The following TENM2 variants were observed in gnomAD, a reference collection of about 807,000 sequenced individuals.
The protein encoded by TENM2 is teneurin transmembrane protein 2, also known as teneurin-2.
A neutral mutation model predicts 245.2 loss-of-function variants in TENM2; 52 were observed. That is an observed-to-expected ratio of 0.21 (90% CI 0.17 to 0.27). The LOEUF is 0.27. Ranked by LOEUF, TENM2 falls within the 10% of genes least tolerant of loss-of-function variation. The pLI, the probability that TENM2 is intolerant of heterozygous loss-of-function variation, is 1.00. For synonymous variants in TENM2, 1,363 were observed against 1,438.9 expected (o/e 0.95, Z 1.19); for missense variants, 3,046 against 3,666.8 (o/e 0.83, Z 4.37).
At chr5:167,221,802 C>T in the TENM2 span, among the ~76,000 whole-genome samples, 368 of 152,264 alleles carry the variant, frequency 2.4e-3, 1 homozygote, top group African/African-American at 8.5e-3. Flanking sequence ...TATCTTCTTT[C>T]TGCATCCAAA....
intron 12 of TENM2, among the ~76,000 whole-genome samples, chr5:168,147,077 G>A (rs1412279773): frequency 2.0e-5 from 3 of 152,210 alleles, no homozygotes; most frequent in South Asian, 2.1e-4. Flanking sequence ...CTGCTACTCC[G>A]CATAGGCGTA....
intron 12 of TENM2, among the ~76,000 whole-genome samples, chr5:168,146,287 A>G (rs1756072907): frequency 6.6e-6 from 1 of 152,108 alleles, no homozygotes; most frequent in Admixed American, 6.5e-5. Context: ...ATTAAGGGAG[A>G]GGAATTAGAG....
At chr5:167,591,964 A>T (rs1353512383) in intron 2 of TENM2, among the ~76,000 whole-genome samples, 2 of 152,208 alleles carry the variant, frequency 1.3e-5, no homozygotes, top group Non-Finnish European at 2.9e-5. Flanking sequence ...ATAAAATAGG[A>T]GAACTGGAAA....
chr5:167,229,838 C>T, the TENM2 span, among the ~76,000 whole-genome samples: 1 of 152,174 alleles, frequency 6.6e-6, no homozygotes, highest in East Asian at 1.9e-4. Context: ...AGCAAATGTG[C>T]TGAGGCCCTG....
Position 167,978,120 on chromosome 5 carries a change from A to C in TENM2, c.948-14824A>C, listed in dbSNP as rs1470154938. ...TTCCTGAGGTCCTTACCAGAAGCAT[A>C]TGCTGATGCATTGCTTCTTTTACAG... On this transcript the variant is annotated intron_variant, in intron 4 of 28. Coordinates refer to ENST00000518659, the Ensembl canonical transcript of TENM2. 3.9e-5 allele frequency among the ~76,000 whole-genome samples: 6 copies of C among 152,308 alleles called. No homozygotes were observed. In the Middle Eastern group the frequency reaches 0.01, roughly 259 times the overall value.
chr5:168,070,865 C>T (rs192112302), intron 7 of TENM2, among the ~76,000 whole-genome samples: 4 of 132,996 alleles, frequency 3.0e-5, no homozygotes, highest in Non-Finnish European at 4.7e-5. Flanking sequence ...GAAGGAAGGA[C>T]GGGAGGGAAG....
chr5:167,993,756 A>G (rs1580995737), intron 5 of TENM2, among the ~76,000 whole-genome samples: 1 of 152,186 alleles, frequency 6.6e-6, no homozygotes, highest in South Asian at 2.1e-4. Flanking sequence ...TATCCCTTCC[A>G]CAGCCTCTGT....
chr5:167,338,363 A>C (rs1432996939), intron 1 of TENM2, among the ~76,000 whole-genome samples: 2 of 152,172 alleles, frequency 1.3e-5, no homozygotes, highest in African/African-American at 4.8e-5. Context: ...TCTCACTTAC[A>C]TTCGTGTCCA....
At chr5:167,138,853 C>T in the TENM2 span, among the ~76,000 whole-genome samples, 2 of 152,112 alleles carry the variant, frequency 1.3e-5, no homozygotes, top group Non-Finnish European at 2.9e-5. Context: ...AAACTCCTGA[C>T]CTTAGGTGAT....
chr5:167,702,552 G>GTATATATATATATATATATATATACA (rs374895330), intron 2 of TENM2, among the ~76,000 whole-genome samples: 1 of 136,782 alleles, frequency 7.3e-6, no homozygotes, highest in Non-Finnish European at 1.5e-5. Flanking sequence ...GTGTGTGTGT[G>GTATATATATATATATATATATATACA]TATATATATA....
At chr5:168,249,247 C>T (rs751146332) in intron 27 of TENM2, among the ~76,000 whole-genome samples, 2 of 151,992 alleles carry the variant, frequency 1.3e-5, no homozygotes, top group South Asian at 2.1e-4. Flanking sequence ...GCGTAAGTAT[C>T]GAGATGACTG....
At chr5:167,004,125 G>A in the TENM2 span, among the ~76,000 whole-genome samples, 1 of 152,046 alleles carries the variant, frequency 6.6e-6, no homozygotes, top group African/African-American at 2.4e-5. Flanking sequence ...AACATAATGG[G>A]TAATTCACAG....
intron 2 of TENM2, among the ~76,000 whole-genome samples, chr5:167,408,108 T>A (rs1561931031): frequency 1.3e-5 from 2 of 152,152 alleles, no homozygotes; most frequent in South Asian, 4.1e-4. Flanking sequence ...TATATTTGAA[T>A]ATATCAAATC....
the TENM2 span, among the ~76,000 whole-genome samples, chr5:167,159,208 G>T: frequency 6.6e-6 from 1 of 151,878 alleles, no homozygotes; most frequent in Admixed American, 6.6e-5. Flanking sequence ...CTCCCAAAGT[G>T]CTGGGATTAC....
the TENM2 span, among the ~76,000 whole-genome samples, chr5:167,110,103 G>T: frequency 1.4e-4 from 22 of 152,228 alleles, no homozygotes; most frequent in Non-Finnish European, 1.8e-4. Context: ...AGGGTGCAGG[G>T]GTGGGGAGGC....
At chr5:167,915,050 C>T (rs71603842) in intron 3 of TENM2, among the ~76,000 whole-genome samples, 4 of 152,050 alleles carry the variant, frequency 2.6e-5, no homozygotes, top group African/African-American at 4.8e-5. Context: ...TAATATCATG[C>T]GAGTTAACAT....
intron 5 of TENM2, among the ~76,000 whole-genome samples, chr5:168,037,727 G>A (rs565710379): frequency 2.0e-5 from 3 of 152,264 alleles, no homozygotes; most frequent in African/African-American, 7.2e-5. Flanking sequence ...TTAAGGAGAT[G>A]GAAGAGGACA....
the TENM2 span, chr5:167,116,356 A>G: frequency 6.6e-6 from 1 of 152,218 alleles, no homozygotes; most frequent in African/African-American, 2.4e-5. Context: ...GAGGAAACCC[A>G]TGTCCCACAG....
chr5:167,882,654 A>G (rs1233547721), intron 3 of TENM2, among the ~76,000 whole-genome samples: 1 of 152,184 alleles, frequency 6.6e-6, no homozygotes, highest in African/African-American at 2.4e-5. Flanking sequence ...GGAGAAGTGC[A>G]AACAGGGGTA....
Sources: gnomAD v4.1 joint callset for allele counts (sites outside exome capture counted in the v4.1 genomes callset) on GRCh38, gnomAD v4.1.1 for gene constraint, MANE v1.5 for transcripts, NCBI Gene and HGNC (gene_info 2026-07-23, HGNC 2026-07-21) for gene names.